Variants in WIPF2 observed in about 807,000 individuals in gnomAD.
The protein encoded by WIPF2 is WAS/WASL-interacting protein family member 2.
WIPF2 carries 23 observed loss-of-function variants against 38.8 expected under a neutral mutation model. The observed-to-expected ratio is 0.59, with a 90% CI of 0.43 to 0.84. WIPF2 has a LOEUF of 0.84. Among genes scored for constraint, WIPF2 ranks in the 40% least tolerant of loss-of-function variants. The pLI is 0.00. For synonymous variants in WIPF2, 210 were observed against 223.2 expected, an observed-to-expected ratio of 0.94 and a Z score of 0.53; for missense variants, 574 against 580.5, an observed-to-expected ratio of 0.99 and a Z score of 0.11.
At chr17:40,226,882 C>T (rs2030514020) in intron 1 of WIPF2, among the ~76,000 whole-genome samples, 1 of 151,912 alleles carries the variant, frequency 6.6e-6, no homozygotes, top group Non-Finnish European at 1.5e-5. Context: ...GCTGAGATTA[C>T]AGGTGCACGC....
At chr17:40,275,208 T>C (rs2032359516) in intron 6 of WIPF2, among the ~76,000 whole-genome samples, 1 of 123,062 alleles carries the variant, frequency 8.1e-6, no homozygotes, top group Admixed American at 1.1e-4. Flanking sequence ...GCCACTGCAC[T>C]CCAGCCTGGG....
chr17:40,242,997 C>T (rs920825964), intron 1 of WIPF2, among the ~76,000 whole-genome samples: 5 of 151,980 alleles, frequency 3.3e-5, no homozygotes, highest in South Asian at 2.1e-4. Context: ...ATTAGTTATT[C>T]CTAGTCTGTC....
rs370620171 is a variant in WIPF2 at position 40,265,090 on chromosome 17, C to T, written c.914C>T (p.Ser305Phe). 6.9e-5 allele frequency: 111 copies of T among 1,613,714 alleles called. No individual in the cohort carries two copies. Among genetic ancestry groups the T allele is most frequent in the Non-Finnish European group, 8.4e-5 (99 of 1,179,914 alleles). The change falls in exon 5 of 8, where the codon TCT becomes TTT. Residue 305 changes from serine to phenylalanine, a missense_variant. Transcript: ENST00000323571. ...CCTCCACCCACCTCGGCCTCCCCAT[C>T]TTTACTGAGTAATAGGCCACCTCCC... Reference protein sequence around the residue: ...APPPPTSASPSLLSNRPPPPA... With the variant: ...APPPPTSASPFLLSNRPPPPA...
intron 1 of WIPF2, 32 bp from the exon 2 acceptor site, chr17:40,256,359 C>T: frequency 1.3e-6 from 2 of 1,532,668 alleles, no homozygotes; most frequent in South Asian, 1.3e-5. Flanking sequence ...AATGGTAAAG[C>T]TGTTCTTAAT....
chr17:40,228,004 CTTTTTGTTTTTTT>C (rs1346936867), intron 1 of WIPF2, among the ~76,000 whole-genome samples: 21 of 119,924 alleles, frequency 1.8e-4, no homozygotes, highest in African/African-American at 4.5e-4. Flanking sequence ...TTTTATACCT[CTTTTTGTTTTTTT>C]TTTTTTTTTT....
In WIPF2 at chr17:40,282,208, T is replaced by A. The variant is rs1463507101; in HGVS notation, c.*3983T>A. 6.6e-6 allele frequency: 1 copy of A among 152,182 alleles called. No homozygotes were observed. Among genetic ancestry groups the A allele is most frequent in the African/African-American group, 2.4e-5 (1 of 41,440 alleles). The allele number at this position is 152,182 out of a possible 1,614,324, so 9.4% of individuals were successfully genotyped here. The stretch of plus-strand genomic sequence containing the variant: ...CATTGTGCCTTTACTTGCATTAGAT[T>A]TCTGTGCTTTCTTCCTTTCCCTCTT... On this transcript the variant is annotated 3_prime_UTR_variant, in exon 8 of 8. Transcript: ENST00000323571.
intron 2 of WIPF2, among the ~76,000 whole-genome samples, chr17:40,258,888 C>T (rs148277549): frequency 6.9e-4 from 105 of 151,114 alleles, no homozygotes; most frequent in African/African-American, 2.3e-3. Context: ...TCAAGTGATC[C>T]GCTTGCTTCA....
At chr17:40,246,572 T>G (rs1410316445) in intron 1 of WIPF2, among the ~76,000 whole-genome samples, 2 of 151,216 alleles carry the variant, frequency 1.3e-5, no homozygotes, top group African/African-American at 4.9e-5. Flanking sequence ...CCAATTTTTG[T>G]ATTTTTAGTA....
At chr17:40,250,914 CTTTTTTTT>C (rs1020649049) in intron 1 of WIPF2, among the ~76,000 whole-genome samples, 5 of 90,348 alleles carry the variant, frequency 5.5e-5, no homozygotes, top group Admixed American at 2.5e-4. Flanking sequence ...CTATTAGATT[CTTTTTTTT>C]TTTTTTTTTT....
Position 40,262,529 on chromosome 17 carries a change from G to A in WIPF2, c.201G>A (p.Pro67=), listed in dbSNP as rs771838533. ...NDRSAPILEK[P]KGSSGGYGSG... is the part of the protein sequence containing the mutation. Reference sequence around the variant, plus strand: ...CCCTACTGGTATGCTTTCCAGAGCCGAAAGGAAGCAGTGGTGGCTATGGCT... The same window carrying A: ...CCCTACTGGTATGCTTTCCAGAGCCAAAAGGAAGCAGTGGTGGCTATGGCT... The change falls in exon 4 of 8, where the codon CCG becomes CCA. Residue 67 remains proline, a synonymous_variant. Transcript: ENST00000323571. 10 of 1,613,634 alleles carry A rather than the reference G, an allele frequency of 6.2e-6. 1 individual carries two copies. The highest frequency in any genetic ancestry group is 2.2e-5 in the East Asian group (1 of 44,874).
rs2032556692 is a variant in WIPF2, at chr17:40,282,047, C to T, written c.*3822C>T. ...AGAGAGGAGGGCCATTACAACTCTG[C>T]CTTCAAGACTCATCTCTTAAAAACA... On this transcript the variant is annotated 3_prime_UTR_variant, in exon 8 of 8. Transcript: ENST00000323571. 6.7e-6 allele frequency: 1 copy of T among 149,144 alleles called. No homozygotes were observed. The highest frequency in any genetic ancestry group is 2.5e-5 in the African/African-American group (1 of 40,254). The allele number at this position is 149,144 out of a possible 1,614,324, so 9.2% of individuals were successfully genotyped here. A position where few individuals can be genotyped will look rare whatever the true frequency, so the allele number is the denominator to read the frequency against.
chr17:40,272,955 A>G (rs2032290334), intron 5 of WIPF2, among the ~76,000 whole-genome samples: 1 of 152,242 alleles, frequency 6.6e-6, no homozygotes, highest in Non-Finnish European at 1.5e-5. Flanking sequence ...AGCAATAAGA[A>G]GGGAAGAGGA....
rs1456290799 is a variant in WIPF2, at chr17:40,256,404, C to A, written c.-56C>A. The A allele has an allele frequency of 1.3e-6, 2 of 1,582,100 alleles. No homozygotes were observed. The highest frequency in any genetic ancestry group is 1.4e-5 in the African/African-American group (1 of 72,760). ...TTTCATTTGCAGGTATATGAATGAC[C>A]TAAAGGTACAAATAAAGACGGAGAG... On this transcript the variant is annotated 5_prime_UTR_variant, in exon 2 of 8. Coordinates refer to ENST00000323571, the MANE Select transcript of WIPF2 (RefSeq NM_133264.5).
intron 1 of WIPF2, among the ~76,000 whole-genome samples, chr17:40,228,084 C>T (rs540993569): frequency 8.4e-4 from 105 of 124,286 alleles, no homozygotes; most frequent in African/African-American, 3.1e-3. Context: ...GGCGGGATCT[C>T]GGCTCACTGC....
chr17:40,239,046 T>TTTTATTTA (rs57564513), intron 1 of WIPF2, among the ~76,000 whole-genome samples: 13,389 of 138,766 alleles, frequency 0.096, 831 homozygotes, highest in African/African-American at 0.16. Context: ...GTTTATTTTA[T>TTTTATTTA]TTTATTTATT....
In WIPF2 at chr17:40,281,148, C is replaced by T. The variant is rs1365490968; in HGVS notation, c.*2923C>T. The T allele has an allele frequency of 1.3e-5, 2 of 152,082 alleles. No individual in the cohort carries two copies. Among genetic ancestry groups the T allele is most frequent in the African/African-American group, 4.8e-5 (2 of 41,372 alleles). 9.4% of individuals were successfully genotyped at this position (152,082 alleles called of 1,614,324 possible). On this transcript the variant is annotated 3_prime_UTR_variant, in exon 8 of 8. Coordinates refer to ENST00000323571, the MANE Select transcript of WIPF2 (RefSeq NM_133264.5). ...TCTCTTTCGTGGAAGATTGGGTGGT[C>T]TCATGTTGAGGCTGTTGCCCAGTCC...
chr17:40,277,759 A>G (rs923342468), intron 7 of WIPF2, among the ~76,000 whole-genome samples: 7 of 86,046 alleles, frequency 8.1e-5, no homozygotes, highest in African/African-American at 1.7e-4. Flanking sequence ...GGGTCTCCCT[A>G]TCGTCACCCA....
In WIPF2 at chr17:40,256,372, G is replaced by A; in HGVS notation, c.-69-19G>A. Reference sequence around the variant, plus strand: ...CTAATGGTAAAGCTGTTCTTAATGAGTTTCTTTTTCATTTGCAGGTATATG... The same window carrying A: ...CTAATGGTAAAGCTGTTCTTAATGAATTTCTTTTTCATTTGCAGGTATATG... On this transcript the variant is annotated intron_variant, in intron 1 of 7. Coordinates refer to ENST00000323571, the MANE Select transcript of WIPF2 (RefSeq NM_133264.5). 1.3e-6 allele frequency: 2 copies of A among 1,553,042 alleles called. No homozygotes were observed. The highest frequency in any genetic ancestry group is 1.7e-6 in the Non-Finnish European group (2 of 1,159,588).
intron 3 of WIPF2, 70 bp from the exon 4 acceptor site, chr17:40,262,455 T>C: frequency 1.6e-6 from 2 of 1,243,026 alleles, no homozygotes; most frequent in Admixed American, 1.8e-5. Context: ...AGGAGTGGTT[T>C]CCCCTCATGA....
Sources: allele counts gnomAD v4.1 joint callset (sites outside exome capture counted in the v4.1 genomes callset), GRCh38; gene constraint gnomAD v4.1.1; transcripts MANE v1.5; gene names NCBI Gene and HGNC (gene_info 2026-07-23, HGNC 2026-07-21).